The following PREX2 variants were observed in gnomAD, a reference collection of about 807,000 sequenced individuals.
PREX2 encodes phosphatidylinositol-3,4,5-trisphosphate dependent Rac exchange factor 2, also known as phosphatidylinositol 3,4,5-trisphosphate-dependent Rac exchanger 2 protein.
PREX2 carries 107 observed loss-of-function variants against 203.2 expected under a neutral mutation model. The ratio of observed to expected loss-of-function variants is 0.53; its 90% confidence interval spans 0.45 to 0.62. PREX2 has a LOEUF of 0.62. PREX2 is among the 20% of genes least tolerant of loss of function. The pLI, the probability that PREX2 is intolerant of heterozygous loss-of-function variation, is 0.00. For missense variants in PREX2, 1,777 were observed against 1,955.9 expected, an observed-to-expected ratio of 0.91 and a Z score of 1.72; for synonymous variants, 672 against 663.6, an observed-to-expected ratio of 1.01 and a Z score of -0.19.
intron 1 of PREX2, among the ~76,000 whole-genome samples, chr8:67,965,033 T>A (rs915602438): frequency 6.6e-6 from 1 of 152,120 alleles, no homozygotes; most frequent in East Asian, 1.9e-4. Context: ...ACGCAGAACT[T>A]GTTGACTCCG....
At chr8:68,061,568 T>C (rs6472378) in intron 11 of PREX2, among the ~76,000 whole-genome samples, 93,375 of 152,064 alleles carry the variant, frequency 0.61, 29,810 homozygotes, top group African/African-American at 0.79. Flanking sequence ...GGGGAGATGC[T>C]GGCAAAGCTA....
intron 1 of PREX2, among the ~76,000 whole-genome samples, chr8:68,004,163 C>G (rs1807026920): frequency 6.6e-6 from 1 of 152,118 alleles, no homozygotes; most frequent in Non-Finnish European, 1.5e-5. Context: ...TAAATCCAGG[C>G]TCCTTCATTT....
At chr8:68,044,782 T>C (rs1808301411) in intron 8 of PREX2, among the ~76,000 whole-genome samples, 192 bp downstream of exon 8, 1 of 152,024 alleles carries the variant, frequency 6.6e-6, no homozygotes, top group South Asian at 2.1e-4. Flanking sequence ...AAGTGGAAAA[T>C]TATATATAGC....
chr8:68,040,354 C>T (rs1808162137), intron 7 of PREX2, among the ~76,000 whole-genome samples: 1 of 152,100 alleles, frequency 6.6e-6, no homozygotes, highest in Non-Finnish European at 1.5e-5. Flanking sequence ...ACACTCCTTA[C>T]CCTAGTTTAC....
intron 5 of PREX2, among the ~76,000 whole-genome samples, chr8:68,029,358 G>C (rs1396748028): frequency 6.6e-6 from 1 of 152,052 alleles, no homozygotes; most frequent in Non-Finnish European, 1.5e-5. Flanking sequence ...AGAGGCACCT[G>C]TGGTGCCTCT....
intron 34 of PREX2, among the ~76,000 whole-genome samples, chr8:68,147,676 A>G (rs972706925): frequency 6.6e-6 from 1 of 152,236 alleles, no homozygotes; most frequent in South Asian, 2.1e-4. Context: ...TACCACGTGC[A>G]TATTATTTTA....
chr8:68,038,388 A>G (rs1563512629), intron 7 of PREX2, 96 bp downstream of exon 7: 2 of 1,291,338 alleles, frequency 1.5e-6, no homozygotes, highest in Non-Finnish European at 2.2e-6. Context: ...CACAGTTTCT[A>G]CCTTTCTCTC....
At chr8:68,116,570 G>T (rs146989535) in intron 26 of PREX2, among the ~76,000 whole-genome samples, 367 of 152,280 alleles carry the variant, frequency 2.4e-3, no homozygotes, top group Non-Finnish European at 4.1e-3. Context: ...GTGGAGGAAG[G>T]ATCCGTGCCA....
At chr8:68,085,632 T>G (rs1002356215) in intron 18 of PREX2, among the ~76,000 whole-genome samples, 1 of 152,182 alleles carries the variant, frequency 6.6e-6, no homozygotes, top group Non-Finnish European at 1.5e-5. Context: ...ACATCCGTCT[T>G]GTATAAACGT....
At chr8:68,227,215 G>A (rs917059471) in intron 39 of PREX2, among the ~76,000 whole-genome samples, 3 of 152,178 alleles carry the variant, frequency 2.0e-5, no homozygotes, top group Non-Finnish European at 2.9e-5. Flanking sequence ...AAAAATTATG[G>A]TAGTATTGAG....
At chr8:68,218,604 A>T (rs1423499229) in intron 38 of PREX2, among the ~76,000 whole-genome samples, 1 of 152,202 alleles carries the variant, frequency 6.6e-6, no homozygotes, top group African/African-American at 2.4e-5. Context: ...TGTAATTATG[A>T]CTACTTTGTT....
chr8:68,203,325 G>A (rs1416147559), intron 37 of PREX2, among the ~76,000 whole-genome samples: 1 of 152,132 alleles, frequency 6.6e-6, no homozygotes, highest in Non-Finnish European at 1.5e-5. Context: ...GCTACAGGAA[G>A]AAAATATGCA....
At chr8:68,018,296 C>T (rs556068079) in intron 2 of PREX2, among the ~76,000 whole-genome samples, 8 of 151,838 alleles carry the variant, frequency 5.3e-5, no homozygotes, top group South Asian at 2.1e-4. Context: ...GGAGAAACCC[C>T]GTCTCTACTA....
intron 15 of PREX2, 97 bp downstream of exon 15, chr8:68,077,566 A>G (rs1809388359): frequency 1.1e-6 from 1 of 901,516 alleles, no homozygotes; most frequent in African/African-American, 1.6e-5. Flanking sequence ...TCATTTAGGG[A>G]TGAGCCAGCA....
At chr8:68,120,790 G>A (rs1429031381) in intron 29 of PREX2, 131 bp from the exon 30 acceptor site, 2 of 702,632 alleles carry the variant, frequency 2.8e-6, no homozygotes, top group East Asian at 5.8e-5. Context: ...ATTTTCTGAT[G>A]GTGTGGCAAA....
chr8:68,028,522 G>T (rs1309685081), intron 5 of PREX2, among the ~76,000 whole-genome samples: 2 of 151,708 alleles, frequency 1.3e-5, no homozygotes, highest in Non-Finnish European at 2.9e-5. Context: ...CCATAAATTG[G>T]GTATCTGCGT....
chr8:68,055,657 G>T (rs981863658), intron 9 of PREX2, among the ~76,000 whole-genome samples, 173 bp from the exon 10 acceptor site: 1 of 152,126 alleles, frequency 6.6e-6, no homozygotes, highest in African/African-American at 2.4e-5. Context: ...TGCCTTGCAG[G>T]TCTCCCTAGC....
intron 12 of PREX2, 57 bp from the exon 13 acceptor site, chr8:68,069,778 A>G (rs1427864633): frequency 1.3e-6 from 1 of 788,792 alleles, no homozygotes; most frequent in Non-Finnish European, 2.0e-6. Flanking sequence ...TCAAAATTTC[A>G]TTGAAATGTC....
intron 32 of PREX2, among the ~76,000 whole-genome samples, chr8:68,138,077 T>G (rs1025766018): frequency 6.6e-6 from 1 of 152,214 alleles, no homozygotes; most frequent in African/African-American, 2.4e-5. Flanking sequence ...GAAGTTTAGA[T>G]GCAAATAGCA....
Sources: allele counts gnomAD v4.1 joint callset (sites outside exome capture counted in the v4.1 genomes callset), GRCh38; gene constraint gnomAD v4.1.1; transcripts MANE v1.5; gene names NCBI Gene and HGNC (gene_info 2026-07-23, HGNC 2026-07-21).